KHDRBS2: variants seen among roughly 807,000 people sequenced by gnomAD.
The protein encoded by KHDRBS2 is KH domain-containing, RNA-binding, signal transduction-associated protein 2.
A neutral mutation model predicts 44.3 loss-of-function variants in KHDRBS2; 26 were observed. That is an observed-to-expected ratio of 0.59 (90% CI 0.43 to 0.81). The LOEUF (loss-of-function observed/expected upper bound fraction) is 0.81. Among genes scored for constraint, KHDRBS2 ranks in the 40% least tolerant of loss-of-function variants. The pLI, the probability that KHDRBS2 is intolerant of heterozygous loss-of-function variation, is 0.00. For missense variants in KHDRBS2, 476 were observed against 433.1 expected, an observed-to-expected ratio of 1.10 and a Z score of -0.88; for synonymous variants, 194 against 151.1, an observed-to-expected ratio of 1.28 and a Z score of -2.08.
intron 1 of KHDRBS2, among the ~76,000 whole-genome samples, chr6:62,282,704 T>G (rs1423807973): frequency 6.6e-6 from 1 of 152,168 alleles, no homozygotes; most frequent in Non-Finnish European, 1.5e-5. Flanking sequence ...GTGCCATAAA[T>G]ATATTATTAA....
intron 4 of KHDRBS2, among the ~76,000 whole-genome samples, chr6:61,907,189 A>G (rs1805196225): frequency 6.6e-6 from 1 of 151,800 alleles, no homozygotes; most frequent in South Asian, 2.1e-4. Context: ...ACCTGTTGAC[A>G]ATTTGTATGT....
chr6:62,059,059 ACT>A lies in KHDRBS2; in HGVS notation c.220-11067_220-11066del, dbSNP rs753563293. ...CCTCTTTCAGAAAACTTAGAACTCC[ACT>A]GAGGGGAAAGGGGCTGTACATAAAC... On this transcript the variant is annotated intron_variant, in intron 2 of 8. Transcript: ENST00000281156. 1.3e-4 allele frequency among the ~76,000 whole-genome samples: 19 copies of A among 151,722 alleles called. No individual in the cohort carries two copies. The East Asian group carries it at 3.7e-3, about 30-fold the overall frequency.
At chr6:62,234,169 T>C (rs1039184985) in intron 1 of KHDRBS2, among the ~76,000 whole-genome samples, 10 of 152,226 alleles carry the variant, frequency 6.6e-5, no homozygotes, top group Admixed American at 1.3e-4. Flanking sequence ...ACAGCACCCT[T>C]CTATGCTTTG....
chr6:61,554,927 A>G, the KHDRBS2 span, among the ~76,000 whole-genome samples: 2 of 152,058 alleles, frequency 1.3e-5, no homozygotes, highest in Middle Eastern at 3.4e-3. Context: ...CCTTCTCTCT[A>G]GCTGCTTTTA....
chr6:61,992,418 G>C (rs1776304282), intron 3 of KHDRBS2, among the ~76,000 whole-genome samples: 2 of 152,082 alleles, frequency 1.3e-5, no homozygotes, highest in Non-Finnish European at 2.9e-5. Flanking sequence ...TATTTAGCTA[G>C]ACTCCACAGA....
chr6:62,066,189 T>C (rs1793678441), intron 2 of KHDRBS2, among the ~76,000 whole-genome samples: 2 of 151,758 alleles, frequency 1.3e-5, no homozygotes, highest in South Asian at 4.1e-4. Context: ...TAATTATAAC[T>C]ACAGCTCAAA....
intron 6 of KHDRBS2, among the ~76,000 whole-genome samples, chr6:61,848,576 C>T (rs3077999): frequency 0.18 from 5,064 of 28,596 alleles, 568 homozygotes; most frequent in South Asian, 0.24. Flanking sequence ...TATATATATA[C>T]ATATATATAT....
intron 3 of KHDRBS2, among the ~76,000 whole-genome samples, chr6:62,021,038 A>G (rs1782189358): frequency 6.6e-6 from 1 of 152,104 alleles, no homozygotes; most frequent in Non-Finnish European, 1.5e-5. Flanking sequence ...ACCATGAAAT[A>G]TTATGCACCC....
the KHDRBS2 span, among the ~76,000 whole-genome samples, chr6:61,576,219 T>C: frequency 6.6e-6 from 1 of 152,216 alleles, no homozygotes; most frequent in Admixed American, 6.6e-5. Flanking sequence ...TCTATGAGTG[T>C]GAAATGTTGG....
chr6:61,572,692 C>T, the KHDRBS2 span, among the ~76,000 whole-genome samples: 1 of 152,026 alleles, frequency 6.6e-6, no homozygotes, highest in Non-Finnish European at 1.5e-5. Flanking sequence ...ATGTGATAGA[C>T]CACATAAACA....
the KHDRBS2 span, among the ~76,000 whole-genome samples, chr6:61,601,893 T>C: frequency 6.6e-6 from 1 of 152,122 alleles, no homozygotes; most frequent in Non-Finnish European, 1.5e-5. Context: ...AGAAATTCCC[T>C]CTTAAAAAGG....
chr6:61,780,387 C>A (rs1782753182), intron 6 of KHDRBS2, among the ~76,000 whole-genome samples: 1 of 152,082 alleles, frequency 6.6e-6, no homozygotes. Flanking sequence ...GTAGTCCCAG[C>A]TACTTGGGAG....
chr6:61,632,246 T>C, the KHDRBS2 span, among the ~76,000 whole-genome samples: 1 of 152,136 alleles, frequency 6.6e-6, no homozygotes, highest in Non-Finnish European at 1.5e-5. Context: ...AAATGATCTT[T>C]AGAAGAAAGT....
intron 2 of KHDRBS2, among the ~76,000 whole-genome samples, chr6:62,088,282 G>A (rs1798799929): frequency 6.6e-6 from 1 of 152,114 alleles, no homozygotes; most frequent in African/African-American, 2.4e-5. Context: ...GAGGCATTCT[G>A]GCTTTTGGAA....
chr6:61,674,502 C>G, the KHDRBS2 span, among the ~76,000 whole-genome samples: 3 of 151,654 alleles, frequency 2.0e-5, no homozygotes. Context: ...CATTCTTGTT[C>G]AAAGAATTAC....
At chr6:61,721,889 C>A (rs1178704073) in intron 7 of KHDRBS2, among the ~76,000 whole-genome samples, 1 of 144,532 alleles carries the variant, frequency 6.9e-6, no homozygotes, top group Non-Finnish European at 1.5e-5. Flanking sequence ...AGTTTTTGCC[C>A]ATTCAGTATG....
intron 6 of KHDRBS2, among the ~76,000 whole-genome samples, chr6:61,761,210 T>A (rs1779221480): frequency 6.6e-6 from 1 of 152,180 alleles, no homozygotes; most frequent in African/African-American, 2.4e-5. Context: ...CAAATCAGGA[T>A]GCAGATCAAG....
chr6:62,252,237 T>G (rs1022402204), intron 1 of KHDRBS2, among the ~76,000 whole-genome samples: 24 of 151,948 alleles, frequency 1.6e-4, no homozygotes, highest in Admixed American at 8.5e-4. Context: ...GTAGACTTGT[T>G]TGCAGCAATA....
At chr6:62,183,452 G>T (rs1227959113) in intron 1 of KHDRBS2, among the ~76,000 whole-genome samples, 1 of 151,382 alleles carries the variant, frequency 6.6e-6, no homozygotes, top group Non-Finnish European at 1.5e-5. Context: ...CAATTACATA[G>T]AACTATTTAT....
Sources: allele counts gnomAD v4.1 joint callset (sites outside exome capture counted in the v4.1 genomes callset), GRCh38; gene constraint gnomAD v4.1.1; transcripts MANE v1.5; gene names NCBI Gene and HGNC (gene_info 2026-07-23, HGNC 2026-07-21).